Variants in PLCB1 observed in about 807,000 individuals in gnomAD.
PLCB1 encodes the protein phospholipase C beta 1, also known as 1-phosphatidylinositol 4,5-bisphosphate phosphodiesterase beta-1.
A neutral mutation model predicts 161.8 loss-of-function variants in PLCB1; 46 were observed. The ratio of observed to expected loss-of-function variants is 0.28; its 90% confidence interval spans 0.22 to 0.36. The LOEUF (loss-of-function observed/expected upper bound fraction) is 0.36. PLCB1 is among the 10% of genes least tolerant of loss of function. The probability of loss-of-function intolerance (pLI) is 1.00; values close to 1 mark genes in which losing one functional copy is unlikely to be tolerated. For synonymous variants in PLCB1, 517 were observed against 503.7 expected (o/e 1.03, Z -0.35); for missense variants, 1,016 against 1,472.5 (o/e 0.69, Z 5.07).
At chr20:8,539,809 GTTCT>G (rs1985235867) in intron 3 of PLCB1, among the ~76,000 whole-genome samples, 1 of 92,126 alleles carries the variant, frequency 1.1e-5, no homozygotes, top group South Asian at 3.3e-4. Flanking sequence ...TCCATTTGTT[GTTCT>G]TTGTTTTTTT....
intron 31 of PLCB1, among the ~76,000 whole-genome samples, chr20:8,869,847 G>A (rs961059300): frequency 1.3e-5 from 2 of 152,184 alleles, no homozygotes; most frequent in Non-Finnish European, 1.5e-5. Flanking sequence ...GTATCAGTTG[G>A]ATGTTGATGA....
chr20:8,852,780 A>T (rs557498818), intron 31 of PLCB1, among the ~76,000 whole-genome samples: 143 of 152,390 alleles, frequency 9.4e-4, no homozygotes, highest in African/African-American at 3.1e-3. Flanking sequence ...TATAATATTT[A>T]CCAACCATCT....
At chr20:8,703,823 A>G (rs1978507445) in intron 11 of PLCB1, among the ~76,000 whole-genome samples, 1 of 152,174 alleles carries the variant, frequency 6.6e-6, no homozygotes, top group Non-Finnish European at 1.5e-5. Flanking sequence ...CTACAAGTCT[A>G]AGAGGCCCAG....
At chr20:8,662,027 ATTAT>A (rs1300207173) in intron 9 of PLCB1, among the ~76,000 whole-genome samples, 1 of 34,874 alleles carries the variant, frequency 2.9e-5, no homozygotes, top group East Asian at 8.0e-4. Context: ...ATAATATACA[ATTAT>A]TTATTATATA....
intron 12 of PLCB1, among the ~76,000 whole-genome samples, chr20:8,710,448 A>G (rs1172813220): frequency 6.7e-6 from 1 of 149,854 alleles, no homozygotes; most frequent in Non-Finnish European, 1.5e-5. Context: ...TTCAAACCAT[A>G]TCACAATACT....
At chr20:8,184,979 C>A (rs1210122654) in intron 2 of PLCB1, among the ~76,000 whole-genome samples, 1 of 151,790 alleles carries the variant, frequency 6.6e-6, no homozygotes, top group Non-Finnish European at 1.5e-5. Context: ...GTGTGATGTT[C>A]CCCTCCCTGT....
intron 2 of PLCB1, among the ~76,000 whole-genome samples, chr20:8,353,712 C>T (rs1042054306): frequency 3.9e-5 from 6 of 152,052 alleles, no homozygotes; most frequent in Non-Finnish European, 8.8e-5. Flanking sequence ...CTCCTCAAAA[C>T]TGTTAAGGTC....
intron 31 of PLCB1, among the ~76,000 whole-genome samples, chr20:8,844,204 T>C (rs1986608257): frequency 6.6e-6 from 1 of 152,246 alleles, no homozygotes; most frequent in Admixed American, 6.5e-5. Context: ...ACGTCAGCTC[T>C]CAACTCTGCC....
intron 13 of PLCB1, among the ~76,000 whole-genome samples, chr20:8,716,993 C>G (rs1272324921): frequency 6.6e-6 from 1 of 152,210 alleles, no homozygotes; most frequent in Non-Finnish European, 1.5e-5. Context: ...TTAAAGTAAC[C>G]TATCTTGTGG....
chr20:8,881,387 TTC>T (rs756783607), intron 31 of PLCB1, among the ~76,000 whole-genome samples: 111 of 149,852 alleles, frequency 7.4e-4, no homozygotes, highest in Middle Eastern at 3.6e-3. Context: ...ATTCATCTTA[TTC>T]TGAGTCTTTA....
At chr20:8,152,821 G>C (rs1053483945) in intron 2 of PLCB1, among the ~76,000 whole-genome samples, 3 of 152,114 alleles carry the variant, frequency 2.0e-5, no homozygotes, top group African/African-American at 7.2e-5. Flanking sequence ...GCAATCATCT[G>C]AGGCCTAGTC....
intron 3 of PLCB1, among the ~76,000 whole-genome samples, chr20:8,408,623 G>C (rs1978893861): frequency 6.6e-6 from 1 of 152,030 alleles, no homozygotes; most frequent in African/African-American, 2.4e-5. Flanking sequence ...GTAGATAGCT[G>C]AATGCAACAC....
At chr20:8,693,810 A>T (rs1256456604) in intron 10 of PLCB1, among the ~76,000 whole-genome samples, 1 of 152,176 alleles carries the variant, frequency 6.6e-6, no homozygotes, top group Non-Finnish European at 1.5e-5. Context: ...GCTCAAGGGA[A>T]TGTAACCAGC....
intron 3 of PLCB1, among the ~76,000 whole-genome samples, chr20:8,491,887 C>A (rs993568612): frequency 6.6e-6 from 1 of 152,014 alleles, no homozygotes; most frequent in African/African-American, 2.4e-5. Flanking sequence ...ACCTGACATT[C>A]TGTGTCTTAA....
chr20:8,173,876 T>C (rs544478444), intron 2 of PLCB1, among the ~76,000 whole-genome samples: 167 of 152,242 alleles, frequency 1.1e-3, no homozygotes, highest in African/African-American at 3.9e-3. Flanking sequence ...GTGGGTTCAA[T>C]AGTAGAGTGG....
chr20:8,811,743 G>A (rs1057370637), intron 31 of PLCB1, among the ~76,000 whole-genome samples: 10 of 152,214 alleles, frequency 6.6e-5, no homozygotes, highest in African/African-American at 2.4e-4. Context: ...CGTCAGAGCC[G>A]ATACAGAAAG....
At chr20:8,749,245 G>A (rs966618432) in intron 23 of PLCB1, among the ~76,000 whole-genome samples, 119 of 152,312 alleles carry the variant, frequency 7.8e-4, no homozygotes, top group African/African-American at 2.6e-3. Flanking sequence ...CTGCAGTGAA[G>A]CTGATGCTGG....
At chr20:8,788,052 AG>A (rs1983574912) in intron 27 of PLCB1, among the ~76,000 whole-genome samples, 1 of 152,220 alleles carries the variant, frequency 6.6e-6, no homozygotes, top group Non-Finnish European at 1.5e-5. Flanking sequence ...AAAGACATAA[AG>A]ACAGTGATCA....
intron 3 of PLCB1, among the ~76,000 whole-genome samples, chr20:8,508,046 A>G (rs1250389771): frequency 6.6e-6 from 1 of 152,224 alleles, no homozygotes; most frequent in South Asian, 2.1e-4. Context: ...GATTTAACAC[A>G]GGGATTTTAT....
Sources: gnomAD v4.1 joint callset for allele counts (sites outside exome capture counted in the v4.1 genomes callset) on GRCh38, gnomAD v4.1.1 for gene constraint, MANE v1.5 for transcripts, NCBI Gene and HGNC (gene_info 2026-07-23, HGNC 2026-07-21) for gene names.